Variants in KLHDC1 observed in about 807,000 individuals in gnomAD.
KLHDC1 encodes the protein kelch domain-containing protein 1.
KLHDC1 carries 53 observed loss-of-function variants against 68.3 expected under a neutral mutation model. The observed-to-expected ratio is 0.78, with a 90% CI of 0.62 to 0.98. The LOEUF (loss-of-function observed/expected upper bound fraction) is 0.98. Among genes scored for constraint, KLHDC1 ranks in the 50% least tolerant of loss-of-function variants. The probability of loss-of-function intolerance (pLI) is 0.00; values close to 1 mark genes in which losing one functional copy is unlikely to be tolerated. For missense variants in KLHDC1, 470 were observed against 492.3 expected (o/e 0.95, Z 0.43); for synonymous variants, 148 against 159.0 (o/e 0.93, Z 0.52).
In KLHDC1 at chr14:49,729,020, T is replaced by C. The variant is rs766308857; in HGVS notation, c.651+11T>C. 4 of 1,578,682 alleles carry C rather than the reference T, an allele frequency of 2.5e-6. No individual in the cohort carries two copies. The highest frequency in any genetic ancestry group is 3.5e-6 in the Non-Finnish European group (4 of 1,148,484). On this transcript the variant is annotated intron_variant, in intron 7 of 12. Transcript: ENST00000359332. The stretch of plus-strand genomic sequence containing the variant: ...GGCGGACGTGTTCTGGTTAGTGTTT[T>C]TAATGGAAATGGTATTTTTATGTGC...
At chr14:49,708,881 T>C (rs1301412305) in intron 1 of KLHDC1, 1 of 195,194 alleles carries the variant, frequency 5.1e-6, no homozygotes, top group Non-Finnish European at 1.0e-5. Context: ...TATTTTCTTT[T>C]ACATAAAGCC....
intron 1 of KLHDC1, among the ~76,000 whole-genome samples, chr14:49,706,754 A>G (rs886605772): frequency 3.9e-5 from 6 of 152,146 alleles, no homozygotes; most frequent in African/African-American, 1.4e-4. Flanking sequence ...ACCTTTTCCT[A>G]TGCCTGTTTG....
chr14:49,718,525 C>CCTA (rs1888436578), intron 4 of KLHDC1, among the ~76,000 whole-genome samples: 2 of 152,078 alleles, frequency 1.3e-5, no homozygotes, highest in Admixed American at 1.3e-4. Flanking sequence ...AGGCAATCTG[C>CCTA]CTACCTCCGC....
intron 9 of KLHDC1, 148 bp downstream of exon 9, chr14:49,732,964 T>A (rs768533725): frequency 8.7e-6 from 5 of 573,536 alleles, no homozygotes; most frequent in African/African-American, 1.9e-5. Flanking sequence ...AATTATGATC[T>A]CCTTGCTTTT....
At chr14:49,707,295 TGTGAGA>T (rs1458974972) in intron 1 of KLHDC1, among the ~76,000 whole-genome samples, 51 of 139,880 alleles carry the variant, frequency 3.6e-4, no homozygotes, top group African/African-American at 1.2e-3. Flanking sequence ...TGTGTGTGTG[TGTGAGA>T]GAGAGAGAGA....
At chr14:49,717,575 G>A (rs1342335227) in intron 4 of KLHDC1, among the ~76,000 whole-genome samples, 2 of 151,964 alleles carry the variant, frequency 1.3e-5, no homozygotes, top group East Asian at 1.9e-4. Context: ...TTGATGTTAC[G>A]TTACGGTAGT....
At chr14:49,739,066 A>G (rs1479104182) in intron 10 of KLHDC1, among the ~76,000 whole-genome samples, 1 of 152,226 alleles carries the variant, frequency 6.6e-6, no homozygotes, top group African/African-American at 2.4e-5. Context: ...TAAAATGAGC[A>G]CATAAACATT....
At chr14:49,741,393 C>T (rs916130434) in intron 11 of KLHDC1, among the ~76,000 whole-genome samples, 2 of 151,566 alleles carry the variant, frequency 1.3e-5, no homozygotes, top group Admixed American at 1.3e-4. Flanking sequence ...GCAGCCTCCA[C>T]CTCCTGGGTT....
chr14:49,696,938 C>CT (rs763606965), intron 1 of KLHDC1, among the ~76,000 whole-genome samples: 1,940 of 139,538 alleles, frequency 0.014, 18 homozygotes, highest in South Asian at 0.018. Context: ...GGCCTACTTT[C>CT]TTTTTTTTTT....
intron 12 of KLHDC1, among the ~76,000 whole-genome samples, chr14:49,748,255 T>A (rs1889245099): frequency 6.6e-6 from 1 of 152,170 alleles, no homozygotes; most frequent in Non-Finnish European, 1.5e-5. Flanking sequence ...GGTTAGTAGA[T>A]GGCAACACCT....
At position 49,695,510 on chromosome 14, in the gene KLHDC1, C is replaced by T. The variant is rs1887714691; in HGVS notation, c.96+2220C>T. 9.2e-5 allele frequency among the ~76,000 whole-genome samples: 14 copies of T among 152,168 alleles called. No homozygotes were observed. The South Asian group carries it at 2.7e-3, about 29-fold the overall frequency. ...ACAATAAACTACTCAGTAAGCCATG[C>T]TGTCAAAGAGACATGCTGTCATCCA... On this transcript the variant is annotated intron_variant, in intron 1 of 12. Coordinates refer to ENST00000359332, the MANE Select transcript of KLHDC1 (RefSeq NM_172193.3).
In KLHDC1 at chr14:49,723,963, A is replaced by G; in HGVS notation, c.483+11A>G. On this transcript the variant is annotated intron_variant, in intron 5 of 12. Transcript: ENST00000359332. ...CATGATGCATCTTGGGTAAGATAGT[A>G]ATCACTGTTTACATTTTCCTCCAAG... 6.6e-7 allele frequency: 1 copy of G among 1,523,484 alleles called. No individual in the cohort carries two copies. The highest frequency in any genetic ancestry group is 1.7e-5 in the Admixed American group (1 of 57,148). The allele number at this position is 1,523,484 out of a possible 1,614,324, so 94.4% of individuals were successfully genotyped here. A position where few individuals can be genotyped will look rare whatever the true frequency, so the allele number is the denominator to read the frequency against.
chr14:49,697,055 G>C (rs1228550800), intron 1 of KLHDC1, among the ~76,000 whole-genome samples: 2 of 151,892 alleles, frequency 1.3e-5, no homozygotes, highest in Non-Finnish European at 2.9e-5. Flanking sequence ...TCCTGCTTCA[G>C]CCTCCCGAGA....
intron 1 of KLHDC1, among the ~76,000 whole-genome samples, chr14:49,701,290 T>C (rs192089907): frequency 6.6e-6 from 1 of 152,298 alleles, no homozygotes; most frequent in East Asian, 1.9e-4. Context: ...TATATAATAC[T>C]GGAAGAGAAT....
chr14:49,744,397 A>T (rs1889143327), intron 12 of KLHDC1, among the ~76,000 whole-genome samples: 1 of 152,128 alleles, frequency 6.6e-6, no homozygotes, highest in Non-Finnish European at 1.5e-5. Context: ...TATTAAACAT[A>T]CTATATTTCC....
At position 49,700,166 on chromosome 14, in the gene KLHDC1, A is replaced by G. The variant is rs533890420; in HGVS notation, c.96+6876A>G. 5.1e-5 allele frequency: 11 copies of G among 215,376 alleles called. 1 individual carries two copies. The East Asian group carries it at 1.4e-3, about 27-fold the overall frequency. 13.3% of individuals were successfully genotyped at this position (215,376 alleles called of 1,614,324 possible). On this transcript the variant is annotated intron_variant, in intron 1 of 12. Transcript: ENST00000359332. ...CTCAGCCTCCCGAGTAGCTGGGACTACAGGTGCTTCCCACCATGCCCAGGT... is the reference window on the plus strand; with the variant it reads ...CTCAGCCTCCCGAGTAGCTGGGACTGCAGGTGCTTCCCACCATGCCCAGGT...
chr14:49,729,387 A>C (rs1888747259), intron 7 of KLHDC1, 103 bp from the exon 8 acceptor site: 2 of 743,430 alleles, frequency 2.7e-6, no homozygotes, highest in Admixed American at 4.2e-5. Context: ...TATGTGAAGT[A>C]AAATAGAGAT....
chr14:49,695,116 ATGTG>A (rs71115393), intron 1 of KLHDC1, among the ~76,000 whole-genome samples: 227 of 142,200 alleles, frequency 1.6e-3, no homozygotes, highest in Middle Eastern at 6.8e-3. Flanking sequence ...TGCAGTTTTG[ATGTG>A]TGTGTGTGTG....
At chr14:49,697,393 A>T (rs558875034) in intron 1 of KLHDC1, among the ~76,000 whole-genome samples, 2 of 152,332 alleles carry the variant, frequency 1.3e-5, no homozygotes, top group South Asian at 4.1e-4. Flanking sequence ...CCCCAAAACA[A>T]TTACAGTAAT....
Sources: gnomAD v4.1 joint callset for allele counts (sites outside exome capture counted in the v4.1 genomes callset) on GRCh38, gnomAD v4.1.1 for gene constraint, MANE v1.5 for transcripts, NCBI Gene and HGNC (gene_info 2026-07-23, HGNC 2026-07-21) for gene names.